Variants in IL1RAPL1 observed in about 807,000 individuals in gnomAD.
IL1RAPL1 encodes the protein interleukin 1 receptor accessory protein like 1.
IL1RAPL1 carries 3 observed loss-of-function variants against 48.4 expected under a neutral mutation model. The ratio of observed to expected loss-of-function variants is 0.06; its 90% CI spans 0.03 to 0.16. The LOEUF is 0.16. Ranked by LOEUF, IL1RAPL1 falls within the 10% of genes least tolerant of loss-of-function variation. IL1RAPL1 has a pLI of 1.00. For missense variants in IL1RAPL1, 349 were observed against 530.6 expected, an observed-to-expected ratio of 0.66 and a Z score of 3.36; for synonymous variants, 185 against 187.7, an observed-to-expected ratio of 0.99 and a Z score of 0.12.
intron 1 of IL1RAPL1, among the ~76,000 whole-genome samples, chrX:28,617,697 A>G (rs1601836318): frequency 8.9e-6 from 1 of 112,657 alleles, no homozygotes; most frequent in Admixed American, 9.4e-5. Flanking sequence ...ACAAATGATT[A>G]TAGGCACAGC....
At chrX:29,668,313 G>A (rs1926053422) in intron 5 of IL1RAPL1, 117 bp from the exon 6 acceptor site, 1 of 610,520 alleles carries the variant, frequency 1.6e-6, no homozygotes, top group Admixed American at 2.7e-5. Context: ...ACTTGGTAGA[G>A]CACTTTAACA....
At chrX:28,920,968 C>G (rs1923601297) in intron 2 of IL1RAPL1, among the ~76,000 whole-genome samples, 1 of 111,387 alleles carries the variant, frequency 9.0e-6, no homozygotes, top group Non-Finnish European at 1.9e-5. Flanking sequence ...TAATTATGAC[C>G]ATTGAAAAAT....
At chrX:29,664,309 T>C (rs140985395) in intron 5 of IL1RAPL1, among the ~76,000 whole-genome samples, 13,771 of 104,025 alleles carry the variant, frequency 0.13, 899 homozygotes, top group African/African-American at 0.25. Context: ...GAGGCTGAGG[T>C]AGGAGAATGG....
At chrX:29,557,927 G>A (rs1416464390) in intron 5 of IL1RAPL1, among the ~76,000 whole-genome samples, 1 of 109,980 alleles carries the variant, frequency 9.1e-6, no homozygotes, top group Non-Finnish European at 1.9e-5. Flanking sequence ...TTTTCTTTAC[G>A]CATTTATCTG....
chrX:29,021,351 A>C (rs1308861922), intron 2 of IL1RAPL1, among the ~76,000 whole-genome samples: 1 of 110,133 alleles, frequency 9.1e-6, no homozygotes, highest in Non-Finnish European at 1.9e-5. Context: ...AGTAGAATTT[A>C]CTGATAAAAG....
chrX:29,546,909 T>C (rs1032933111), intron 5 of IL1RAPL1, among the ~76,000 whole-genome samples: 1 of 111,693 alleles, frequency 9.0e-6, no homozygotes, highest in Non-Finnish European at 1.9e-5. Context: ...CTGACAGAGG[T>C]GATTACTTAG....
intron 1 of IL1RAPL1, among the ~76,000 whole-genome samples, chrX:28,699,159 G>T (rs954133630): frequency 4.5e-5 from 5 of 112,193 alleles, no homozygotes; most frequent in African/African-American, 1.6e-4. Context: ...TTGAGCCAGA[G>T]AATGAATTTC....
At chrX:29,413,601 G>C (rs780520232) in intron 5 of IL1RAPL1, among the ~76,000 whole-genome samples, 1 of 104,867 alleles carries the variant, frequency 9.5e-6, no homozygotes, top group African/African-American at 3.5e-5. Context: ...GAGAACATGC[G>C]GTGTTTGGTT....
At chrX:29,236,568 T>A in intron 2 of IL1RAPL1, among the ~76,000 whole-genome samples, 1 of 75,110 alleles carries the variant, frequency 1.3e-5, no homozygotes, top group South Asian at 7.1e-4. Flanking sequence ...TTTTTTTTTT[T>A]TTGAGATGGA....
chrX:29,231,967 G>A (rs893839049), intron 2 of IL1RAPL1, among the ~76,000 whole-genome samples: 2 of 111,555 alleles, frequency 1.8e-5, no homozygotes, highest in Non-Finnish European at 3.8e-5. Flanking sequence ...TGAATTCTTA[G>A]TTTTCCTTAG....
chrX:29,025,565 C>T (rs911336563), intron 2 of IL1RAPL1, among the ~76,000 whole-genome samples: 2 of 111,438 alleles, frequency 1.8e-5, no homozygotes, highest in African/African-American at 6.5e-5. Flanking sequence ...TCATTAAATA[C>T]TTATTGGGTT....
At chrX:29,000,831 CTT>C (rs34416836) in intron 2 of IL1RAPL1, among the ~76,000 whole-genome samples, 2,133 of 95,302 alleles carry the variant, frequency 0.022, 63 homozygotes, top group African/African-American at 0.075. Context: ...AAGTATAACT[CTT>C]TTTTTTTTTT....
chrX:28,705,569 C>T (rs180964574), intron 1 of IL1RAPL1, among the ~76,000 whole-genome samples: 1 of 111,377 alleles, frequency 9.0e-6, no homozygotes, highest in African/African-American at 3.3e-5. Flanking sequence ...AATTAGGCAC[C>T]ATAATAGACG....
chrX:28,782,346 T>A (rs376434596), intron 1 of IL1RAPL1, among the ~76,000 whole-genome samples: 2 of 112,062 alleles, frequency 1.8e-5, no homozygotes, highest in African/African-American at 6.4e-5. Flanking sequence ...TTTGACATTT[T>A]ATGCCAAAAT....
At position 29,952,620 on chromosome X, in the gene IL1RAPL1, C is replaced by T. The variant is rs149173303; in HGVS notation, c.1202-1902C>T. Among the ~76,000 whole-genome samples the T allele has an allele frequency of 6.6e-3, 742 of 112,061 alleles. 5 individuals are homozygous for T. Among genetic ancestry groups the T allele is most frequent in the Middle Eastern group, 0.028 (6 of 213 alleles). On this transcript the variant is annotated intron_variant, in intron 9 of 10. Transcript: ENST00000378993. ...TCTTACTCAACTAAAGTGTTTACAT[C>T]AATGAGTGGTACAATTATAGATTGT...
chrX:28,694,990 A>G (rs1935215403), intron 1 of IL1RAPL1, among the ~76,000 whole-genome samples: 1 of 110,487 alleles, frequency 9.1e-6, no homozygotes, highest in Non-Finnish European at 1.9e-5. Flanking sequence ...TTGATCTTCA[A>G]TTGTGAGTCT....
chrX:29,537,638 AAAC>A (rs1921280873), intron 5 of IL1RAPL1, among the ~76,000 whole-genome samples: 1 of 110,442 alleles, frequency 9.1e-6, no homozygotes, highest in Non-Finnish European at 1.9e-5. Context: ...AAAAAAAAAA[AAAC>A]AACCTGGTGA....
At chrX:29,260,939 G>T (rs1415861823) in intron 2 of IL1RAPL1, among the ~76,000 whole-genome samples, 8 of 105,806 alleles carry the variant, frequency 7.6e-5, no homozygotes, top group African/African-American at 1.0e-4. Flanking sequence ...AATAAATATA[G>T]TATAACTGAA....
chrX:29,720,581 C>T, intron 6 of IL1RAPL1, among the ~76,000 whole-genome samples: 1 of 110,171 alleles, frequency 9.1e-6, no homozygotes, highest in African/African-American at 3.3e-5. Flanking sequence ...GGGAGGGGAA[C>T]ATCACACACT....
Sources: allele counts gnomAD v4.1 joint callset (sites outside exome capture counted in the v4.1 genomes callset), GRCh38; gene constraint gnomAD v4.1.1; transcripts MANE v1.5; gene names NCBI Gene and HGNC (gene_info 2026-07-23, HGNC 2026-07-21).